CARMIL1: variants seen among roughly 807,000 people sequenced by gnomAD.
The protein encoded by CARMIL1 is F-actin-uncapping protein LRRC16A.
A neutral mutation model predicts 177.1 loss-of-function variants in CARMIL1; 90 were observed. The observed-to-expected ratio is 0.51, with a 90% confidence interval of 0.43 to 0.61. CARMIL1 has a LOEUF of 0.61. CARMIL1 is among the 20% of genes least tolerant of loss of function. The pLI is 0.00. For missense variants in CARMIL1, 1,380 were observed against 1,667.0 expected, an observed-to-expected ratio of 0.83 and a Z score of 3.00; for synonymous variants, 577 against 606.2, an observed-to-expected ratio of 0.95 and a Z score of 0.71.
intron 2 of CARMIL1, among the ~76,000 whole-genome samples, chr6:25,338,898 G>C (rs1203821481): frequency 2.6e-5 from 4 of 152,136 alleles, no homozygotes; most frequent in Non-Finnish European, 5.9e-5. Flanking sequence ...AGAGTTGAAG[G>C]GTGATCCCAT....
chr6:25,491,356 G>A (rs190137840), intron 13 of CARMIL1, among the ~76,000 whole-genome samples: 1 of 152,264 alleles, frequency 6.6e-6, no homozygotes, highest in East Asian at 1.9e-4. Flanking sequence ...ACTTTCAAAA[G>A]TGATTAGCAT....
At chr6:25,479,480 A>G (rs994310296) in intron 11 of CARMIL1, among the ~76,000 whole-genome samples, 1 of 152,190 alleles carries the variant, frequency 6.6e-6, no homozygotes, top group African/African-American at 2.4e-5. Flanking sequence ...CTCGAGTTAT[A>G]ATTCAACGCC....
chr6:25,583,519 A>G lies in CARMIL1; in HGVS notation c.3006+2080A>G, dbSNP rs143702640. Among the ~76,000 whole-genome samples, 476 of 150,098 alleles carry G rather than the reference A, an allele frequency of 3.2e-3. 2 individuals are homozygous for G. Among genetic ancestry groups the G allele is most frequent in the Non-Finnish European group, 5.4e-3 (359 of 66,910 alleles). Reference sequence around the variant, plus strand: ...TTTTGAATATAGTAGGGGTTCAACAATACTCATTGGATAAGTAGGTGGATA... The same window carrying G: ...TTTTGAATATAGTAGGGGTTCAACAGTACTCATTGGATAAGTAGGTGGATA... On this transcript the variant is annotated intron_variant, in intron 31 of 36. Coordinates refer to ENST00000329474, the MANE Select transcript of CARMIL1 (RefSeq NM_017640.6).
At chr6:25,608,192 CT>C (rs1332174541) in intron 35 of CARMIL1, among the ~76,000 whole-genome samples, 7 of 152,264 alleles carry the variant, frequency 4.6e-5, no homozygotes, top group African/African-American at 1.7e-4. Context: ...CAGTAGGCCC[CT>C]CTTATCCAAG....
Position 25,284,413 on chromosome 6 carries a change from T to TA in CARMIL1, c.41-392dup, listed in dbSNP as rs772311853. 3.3e-5 allele frequency among the ~76,000 whole-genome samples: 5 copies of TA among 152,130 alleles called. No individual in the cohort carries two copies. In the South Asian group the frequency reaches 1.0e-3, roughly 32 times the overall value. Reference sequence around the variant, plus strand: ...TAACCATCCAACTTGTTAAAACAAGTAAAAAAAGACAAACGGTCGGGCACG... The same window carrying TA: ...TAACCATCCAACTTGTTAAAACAAGTAAAAAAAAGACAAACGGTCGGGCACG... On this transcript the variant is annotated intron_variant, in intron 1 of 36. Coordinates refer to ENST00000329474, the MANE Select transcript of CARMIL1 (RefSeq NM_017640.6).
chr6:25,369,123 A>T (rs1380403170), intron 2 of CARMIL1, among the ~76,000 whole-genome samples: 1 of 152,240 alleles, frequency 6.6e-6, no homozygotes. Context: ...CAAATTAGTT[A>T]GTCTGGTGTC....
intron 3 of CARMIL1, among the ~76,000 whole-genome samples, chr6:25,425,059 CAAATTATG>C (rs975455459): frequency 2.6e-5 from 4 of 152,004 alleles, no homozygotes; most frequent in African/African-American, 9.7e-5. Flanking sequence ...TTTTCAAAAC[CAAATTATG>C]TATAGATCTT....
chr6:25,358,396 G>A (rs1788851214), intron 2 of CARMIL1, among the ~76,000 whole-genome samples: 1 of 152,152 alleles, frequency 6.6e-6, no homozygotes, highest in East Asian at 1.9e-4. Context: ...TAAGTAGACA[G>A]AAAAGAAGTG....
At chr6:25,338,780 G>T (rs1786564465) in intron 2 of CARMIL1, among the ~76,000 whole-genome samples, 1 of 152,106 alleles carries the variant, frequency 6.6e-6, no homozygotes, top group East Asian at 1.9e-4. Flanking sequence ...GAGTTGTTCT[G>T]TTTATGGAAG....
chr6:25,444,955 T>G (rs937006330), intron 5 of CARMIL1, among the ~76,000 whole-genome samples: 8 of 152,234 alleles, frequency 5.3e-5, no homozygotes, highest in African/African-American at 1.9e-4. Flanking sequence ...CCACACTGTC[T>G]TCCACAATGG....
chr6:25,459,541 C>G (rs1277887065), intron 8 of CARMIL1, among the ~76,000 whole-genome samples: 6 of 151,874 alleles, frequency 4.0e-5, no homozygotes, highest in Non-Finnish European at 7.4e-5. Flanking sequence ...TGTGAGTCAC[C>G]ATACCTGACC....
At chr6:25,549,420 G>C (rs1215919306) in intron 26 of CARMIL1, among the ~76,000 whole-genome samples, 1 of 152,170 alleles carries the variant, frequency 6.6e-6, no homozygotes, top group Non-Finnish European at 1.5e-5. Context: ...TGTCAAAGAG[G>C]AGACTAATTT....
intron 2 of CARMIL1, among the ~76,000 whole-genome samples, chr6:25,399,203 CT>C (rs1314833408): frequency 6.6e-6 from 1 of 152,160 alleles, no homozygotes; most frequent in East Asian, 1.9e-4. Context: ...CCTTAGGCCC[CT>C]GGTTTTGCAG....
intron 5 of CARMIL1, 82 bp downstream of exon 5, chr6:25,435,686 C>T: frequency 1.4e-6 from 2 of 1,415,920 alleles, no homozygotes; most frequent in African/African-American, 1.4e-5. Flanking sequence ...CTTCTTTTTA[C>T]CCCTTCACTT....
intron 23 of CARMIL1, among the ~76,000 whole-genome samples, chr6:25,526,185 A>T (rs995102276): frequency 2.0e-5 from 3 of 148,320 alleles, no homozygotes; most frequent in Admixed American, 6.7e-5. Context: ...AAATAAATAA[A>T]TAAATAAATA....
intron 2 of CARMIL1, among the ~76,000 whole-genome samples, chr6:25,411,897 C>A (rs1424432488): frequency 2.0e-5 from 3 of 152,246 alleles, no homozygotes; most frequent in Non-Finnish European, 2.9e-5. Flanking sequence ...TCCTAGAAGT[C>A]CACCCAAAAA....
At chr6:25,547,398 C>T (rs1809610201) in intron 26 of CARMIL1, among the ~76,000 whole-genome samples, 1 of 152,136 alleles carries the variant, frequency 6.6e-6, no homozygotes, top group Admixed American at 6.5e-5. Flanking sequence ...TCTTGTTCTA[C>T]TGCATGTTAA....
chr6:25,613,347 T>G (rs1251318434), intron 36 of CARMIL1, among the ~76,000 whole-genome samples: 2 of 152,248 alleles, frequency 1.3e-5, no homozygotes, highest in East Asian at 3.8e-4. Context: ...ACTGACTCAA[T>G]GCAGACGTTG....
At chr6:25,284,655 G>C (rs2690049) in intron 1 of CARMIL1, among the ~76,000 whole-genome samples, 157 bp from the exon 2 acceptor site, 7,557 of 152,250 alleles carry the variant, frequency 0.05, 588 homozygotes, top group African/African-American at 0.16. Context: ...GTTGCAGTGA[G>C]CCAAGATCTC....
Sources: allele counts gnomAD v4.1 joint callset (sites outside exome capture counted in the v4.1 genomes callset), GRCh38; gene constraint gnomAD v4.1.1; transcripts MANE v1.5; gene names NCBI Gene and HGNC (gene_info 2026-07-23, HGNC 2026-07-21).